The following R3HDM1 variants were observed in gnomAD, a reference collection of about 807,000 sequenced individuals.
The protein encoded by R3HDM1 is R3H domain-containing protein 1.
In R3HDM1, 46 loss-of-function variants were observed where a neutral mutation model predicts 141.1. The ratio of observed to expected loss-of-function variants is 0.33; its 90% CI spans 0.26 to 0.42. The LOEUF is 0.42. R3HDM1 is among the 10% of genes least tolerant of loss of function. The pLI, the probability that R3HDM1 is intolerant of heterozygous loss-of-function variation, is 1.00. For synonymous variants in R3HDM1, 435 were observed against 472.9 expected (o/e 0.92, Z 1.04); for missense variants, 1,184 against 1,368.3 (o/e 0.87, Z 2.12).
chr2:135,666,629 A>G (rs1194269338), intron 19 of R3HDM1, among the ~76,000 whole-genome samples: 1 of 152,210 alleles, frequency 6.6e-6, no homozygotes, highest in African/African-American at 2.4e-5. Flanking sequence ...GCTGTGAGCA[A>G]TAAACTCTGT....
chr2:135,711,963 T>TAAAAA (rs35616482), intron 23 of R3HDM1, among the ~76,000 whole-genome samples: 116 of 85,018 alleles, frequency 1.4e-3, no homozygotes, highest in East Asian at 4.1e-3. Context: ...TGTCTAAAAT[T>TAAAAA]AAAAAAAAAA....
intron 1 of R3HDM1, among the ~76,000 whole-genome samples, chr2:135,557,255 T>C (rs546986200): frequency 2.0e-5 from 3 of 152,348 alleles, no homozygotes; most frequent in Admixed American, 2.0e-4. Context: ...TTTTTTCCTC[T>C]ACTAATTTTA....
rs139359646 is a variant in R3HDM1, at chr2:135,669,409, C to T, written c.2153-5923C>T. 641 of 984,378 alleles carry T rather than the reference C, an allele frequency of 6.5e-4. 4 individuals carry two copies. The African/African-American group carries it at 0.01, about 16-fold the overall frequency. The allele number at this position is 984,378 out of a possible 1,614,324, so 61.0% of individuals were successfully genotyped here. A position where few individuals can be genotyped will look rare whatever the true frequency, so the allele number is the denominator to read the frequency against. On this transcript the variant is annotated intron_variant, in intron 19 of 26. Coordinates refer to ENST00000683871, the MANE Select transcript of R3HDM1 (RefSeq NM_001378107.1). ...CCAATAAATCTTTAGTTCAAATGAA[C>T]GAAAAGTTTCCTTGTTGATTGACAT...
At chr2:135,686,558 A>G (rs1360221933) in intron 21 of R3HDM1, among the ~76,000 whole-genome samples, 1 of 152,184 alleles carries the variant, frequency 6.6e-6, no homozygotes, top group Non-Finnish European at 1.5e-5. Flanking sequence ...CAACACAGGG[A>G]GACCCCATTT....
chr2:135,653,633 A>G (rs1486234814), intron 18 of R3HDM1, among the ~76,000 whole-genome samples: 2 of 152,130 alleles, frequency 1.3e-5, no homozygotes, highest in African/African-American at 2.4e-5. Flanking sequence ...GGGGCTTTCT[A>G]AATACCTTTT....
chr2:135,625,400 A>G (rs1391928513), intron 7 of R3HDM1, among the ~76,000 whole-genome samples: 5 of 152,068 alleles, frequency 3.3e-5, no homozygotes, highest in African/African-American at 1.2e-4. Context: ...AGCCGAGATC[A>G]CGCCATTGCA....
intron 21 of R3HDM1, among the ~76,000 whole-genome samples, chr2:135,694,961 C>T (rs569021690): frequency 1.5e-4 from 23 of 152,250 alleles, no homozygotes; most frequent in Admixed American, 4.6e-4. Context: ...CAGGAAGCAA[C>T]AAGTAGAGGA....
chr2:135,692,693 G>A (rs865936071), intron 21 of R3HDM1, among the ~76,000 whole-genome samples: 2 of 152,130 alleles, frequency 1.3e-5, no homozygotes, highest in South Asian at 4.2e-4. Context: ...TAAAAAAAAA[G>A]GCCAAAAATT....
chr2:135,668,120 T>C (rs915975897), intron 19 of R3HDM1, among the ~76,000 whole-genome samples: 2 of 152,198 alleles, frequency 1.3e-5, no homozygotes, highest in Non-Finnish European at 2.9e-5. Context: ...TTATCTTTGA[T>C]TGGATTAGGA....
chr2:135,554,551 G>A lies in R3HDM1; in HGVS notation c.-250+22918G>A, dbSNP rs376924545. ...AGGAGCAGAATTGCTGGGTCATATT[G>A]GTAACTATGTTTAACCTTTTGAGAA... On this transcript the variant is annotated intron_variant, in intron 1 of 26. Coordinates refer to ENST00000683871, the MANE Select transcript of R3HDM1 (RefSeq NM_001378107.1). 4.6e-5 allele frequency among the ~76,000 whole-genome samples: 7 copies of A among 152,094 alleles called. No homozygotes were observed. In the South Asian group the frequency reaches 1.2e-3, roughly 27 times the overall value.
intron 23 of R3HDM1, among the ~76,000 whole-genome samples, chr2:135,714,136 G>GA (rs1215917224): frequency 1.3e-5 from 2 of 151,798 alleles, no homozygotes; most frequent in Admixed American, 1.3e-4. Context: ...AACTACAAAG[G>GA]AAAAAAATTG....
chr2:135,610,097 G>A (rs1481651283), intron 3 of R3HDM1, among the ~76,000 whole-genome samples: 1 of 151,960 alleles, frequency 6.6e-6, no homozygotes, highest in Non-Finnish European at 1.5e-5. Context: ...GATTTTTACA[G>A]TCATTTATTT....
Position 135,622,264 on chromosome 2 carries a change from C to T in R3HDM1, c.419-390C>T, listed in dbSNP as rs892617203. 11 of 983,554 alleles carry T rather than the reference C, an allele frequency of 1.1e-5. No homozygotes were observed. In the East Asian group the frequency reaches 1.2e-3, roughly 112 times the overall value. The allele number at this position is 983,554 out of a possible 1,614,324, so 60.9% of individuals were successfully genotyped here. The stretch of plus-strand genomic sequence containing the variant: ...TGCCTCCATTATATTCATATCTGAA[C>T]TAAGCTGTCTTAATTTGCTACAAAT... On this transcript the variant is annotated intron_variant, in intron 6 of 26. Transcript: ENST00000683871.
intron 14 of R3HDM1, among the ~76,000 whole-genome samples, chr2:135,639,513 A>G (rs1194178637): frequency 3.9e-5 from 6 of 152,222 alleles, no homozygotes; most frequent in Non-Finnish European, 7.4e-5. Flanking sequence ...AGCTAATACT[A>G]TCAATTATTG....
chr2:135,636,098 G>C lies in R3HDM1; in HGVS notation c.818G>C (p.Arg273Pro). Residue 273 changes from arginine (R) to proline (P), a missense_variant, in exon 11 of 27, where the codon CGT (arginine) becomes CCT (proline). By Grantham distance (103) the Arg-to-Pro change is moderately radical. Transcript: ENST00000683871. Reference sequence around the variant, plus strand: ...TCCTCTTTTCTGTAGATGAGAATACGTTTGAAAGATGACAGAAGAAGCAAA... The same window carrying C: ...TCCTCTTTTCTGTAGATGAGAATACCTTTGAAAGATGACAGAAGAAGCAAA... ...FDKDDNQMRI[R>P]LKDDRRSKSI... 1 of 1,612,882 alleles carries C rather than the reference G, an allele frequency of 6.2e-7. No individual in the cohort carries two copies. Among genetic ancestry groups the C allele is most frequent in the Non-Finnish European group, 8.5e-7 (1 of 1,179,456 alleles).
rs1350141815 is a variant in R3HDM1, at chr2:135,710,144, C to G, written c.2649C>G (p.Pro883=). The G allele has an allele frequency of 6.2e-7, 1 of 1,613,880 alleles. No homozygotes were observed. Among genetic ancestry groups the G allele is most frequent in the African/African-American group, 1.3e-5 (1 of 74,912 alleles). ...PNNPQSCAHS[P]PQWKQNKYYC... is the part of the protein sequence containing the mutation. ...ATCCACAATCTTGTGCCCACTCACC[C>G]CCGCAGTGGAAACAAAACAAATATT... The change falls in exon 23 of 27, where the codon CCC becomes CCG. Residue 883 remains proline (P), a synonymous_variant. Transcript: ENST00000683871.
chr2:135,617,724 C>T (rs2061169422), intron 5 of R3HDM1, among the ~76,000 whole-genome samples: 1 of 152,068 alleles, frequency 6.6e-6, no homozygotes, highest in Admixed American at 6.6e-5. Context: ...GGATCCTTTA[C>T]CAATGTTTAT....
In R3HDM1 at chr2:135,651,874, C is replaced by T. The variant is rs112729561; in HGVS notation, c.1870C>T (p.Pro624Ser). ...QQSGYIMTAA[P>S]PPHPPPPPPP... ...GTCTGGTTATATCATGACAGCAGCCCCTCCACCACATCCTCCTCCACCGCC... is the reference window on the plus strand; with the variant it reads ...GTCTGGTTATATCATGACAGCAGCCTCTCCACCACATCCTCCTCCACCGCC... The change falls in exon 18 of 27, where the codon CCT (proline) becomes TCT (serine). Residue 624 changes from proline (P) to serine (S), a missense_variant. Transcript: ENST00000683871. The T allele has an allele frequency of 1.5e-5, 24 of 1,613,980 alleles. No individual in the cohort carries two copies. In the East Asian group the frequency reaches 3.8e-4, roughly 25 times the overall value.
intron 2 of R3HDM1, among the ~76,000 whole-genome samples, chr2:135,603,525 C>T: frequency 6.6e-6 from 1 of 152,122 alleles, no homozygotes; most frequent in Non-Finnish European, 1.5e-5. Flanking sequence ...CTGTCTATCC[C>T]TCTATATATC....
Sources: gnomAD v4.1 joint callset for allele counts (sites outside exome capture counted in the v4.1 genomes callset) on GRCh38, gnomAD v4.1.1 for gene constraint, MANE v1.5 for transcripts, NCBI Gene and HGNC (gene_info 2026-07-23, HGNC 2026-07-21) for gene names.